The following TMEM132D variants were observed in gnomAD, a reference collection of about 807,000 sequenced individuals.
TMEM132D encodes mature OL transmembrane protein.
TMEM132D carries 21 observed loss-of-function variants against 62.3 expected under a neutral mutation model. The ratio of observed to expected loss-of-function variants is 0.34; its 90% CI spans 0.24 to 0.49. TMEM132D has a LOEUF of 0.49. Among genes scored for constraint, TMEM132D ranks in the 20% least tolerant of loss-of-function variants. TMEM132D has a pLI of 0.99. For synonymous variants in TMEM132D, 621 were observed against 575.6 expected (o/e 1.08, Z -1.13); for missense variants, 1,346 against 1,402.8 (o/e 0.96, Z 0.65).
intron 1 of TMEM132D, among the ~76,000 whole-genome samples, chr12:129,807,352 G>A (rs1472282628): frequency 1.3e-5 from 2 of 152,090 alleles, no homozygotes; most frequent in East Asian, 3.9e-4. Context: ...TTGTGACACT[G>A]GCCATCAATG....
intron 2 of TMEM132D, among the ~76,000 whole-genome samples, chr12:129,628,844 T>C (rs1480166433): frequency 1.3e-5 from 2 of 152,104 alleles, no homozygotes; most frequent in African/African-American, 4.8e-5. Flanking sequence ...TTCCACCACC[T>C]TGCTATCCTC....
intron 5 of TMEM132D, among the ~76,000 whole-genome samples, chr12:129,153,012 C>G (rs1877120951): frequency 6.6e-6 from 1 of 152,190 alleles, no homozygotes; most frequent in Non-Finnish European, 1.5e-5. Context: ...CTGGCAACAC[C>G]ACCTCCTCCC....
chr12:129,552,617 A>G (rs917136027), intron 2 of TMEM132D, among the ~76,000 whole-genome samples: 5 of 147,298 alleles, frequency 3.4e-5, no homozygotes, highest in African/African-American at 1.3e-4. Context: ...TTTATCATCT[A>G]TTATTTATCT....
intron 1 of TMEM132D, among the ~76,000 whole-genome samples, chr12:129,823,168 T>C (rs891324113): frequency 6.6e-6 from 1 of 152,208 alleles, no homozygotes; most frequent in Non-Finnish European, 1.5e-5. Flanking sequence ...GATTGGAAGC[T>C]TCCTGAGGCC....
chr12:129,783,804 C>A (rs969247728), intron 1 of TMEM132D, among the ~76,000 whole-genome samples: 2 of 152,220 alleles, frequency 1.3e-5, no homozygotes, highest in African/African-American at 4.8e-5. Flanking sequence ...TAAATGCTTG[C>A]TCGCTGTAAG....
At chr12:129,489,516 T>G (rs951357867) in intron 3 of TMEM132D, among the ~76,000 whole-genome samples, 2 of 152,246 alleles carry the variant, frequency 1.3e-5, no homozygotes, top group Non-Finnish European at 2.9e-5. Context: ...TTGCATACAT[T>G]AGGCAACACA....
rs1258636244 is a variant in TMEM132D at position 129,071,904 on chromosome 12, A to C, written c.*1971T>G. ...AAATATGAGGACGTTACTGAAAGCAAAGGATTCTCATTGAAAAGGGGTGAC... is the reference window on the plus strand; with the variant it reads ...AAATATGAGGACGTTACTGAAAGCACAGGATTCTCATTGAAAAGGGGTGAC... On this transcript the variant is annotated 3_prime_UTR_variant, in exon 9 of 9. Transcript: ENST00000422113. 6.6e-6 allele frequency: 1 copy of C among 152,252 alleles called. No homozygotes were observed. Among genetic ancestry groups the C allele is most frequent in the Non-Finnish European group, 1.5e-5 (1 of 68,058 alleles). 9.4% of individuals were successfully genotyped at this position (152,252 alleles called of 1,614,324 possible). A position where few individuals can be genotyped will look rare whatever the true frequency, so the allele number is the denominator to read the frequency against.
intron 5 of TMEM132D, among the ~76,000 whole-genome samples, chr12:129,197,228 C>T (rs1309774123): frequency 6.6e-6 from 1 of 152,136 alleles, no homozygotes; most frequent in Non-Finnish European, 1.5e-5. Flanking sequence ...TCCACTCTGT[C>T]ACTGTAGCAC....
At chr12:129,655,332 C>T (rs750025977) in intron 2 of TMEM132D, among the ~76,000 whole-genome samples, 6 of 150,944 alleles carry the variant, frequency 4.0e-5, no homozygotes, top group Non-Finnish European at 1.5e-5. Flanking sequence ...CCATAACCTC[C>T]GCCTCCCTGG....
intron 3 of TMEM132D, among the ~76,000 whole-genome samples, chr12:129,471,265 C>G (rs1408064338): frequency 6.7e-6 from 1 of 148,384 alleles, no homozygotes; most frequent in Non-Finnish European, 1.5e-5. Flanking sequence ...TTGAGCAAGT[C>G]TATCGGCTCC....
intron 4 of TMEM132D, among the ~76,000 whole-genome samples, chr12:129,313,615 G>A (rs1882035766): frequency 6.6e-6 from 1 of 151,654 alleles, no homozygotes; most frequent in Admixed American, 6.6e-5. Flanking sequence ...GTTGATTGAT[G>A]GGCATTTGGG....
At chr12:129,799,176 A>G (rs1455101300) in intron 1 of TMEM132D, among the ~76,000 whole-genome samples, 1 of 152,056 alleles carries the variant, frequency 6.6e-6, no homozygotes, top group Non-Finnish European at 1.5e-5. Flanking sequence ...GAGGCAGGAG[A>G]ATCACTTGAA....
chr12:129,289,754 G>T (rs1376250376), intron 4 of TMEM132D, among the ~76,000 whole-genome samples: 2 of 152,112 alleles, frequency 1.3e-5, no homozygotes, highest in African/African-American at 4.8e-5. Context: ...GCACCTTCCT[G>T]CAGTCCCAGC....
At chr12:129,463,942 C>T (rs1457179322) in intron 3 of TMEM132D, among the ~76,000 whole-genome samples, 1 of 149,872 alleles carries the variant, frequency 6.7e-6, no homozygotes, top group African/African-American at 2.5e-5. Flanking sequence ...CATACGTGTG[C>T]ATGTGTCTTT....
chr12:129,620,573 TG>T (rs1436192361), intron 2 of TMEM132D, among the ~76,000 whole-genome samples: 2 of 152,168 alleles, frequency 1.3e-5, no homozygotes. Context: ...CACTCCAGCC[TG>T]GGTGACAGAG....
At chr12:129,851,617 CTG>C (rs1179545789) in intron 1 of TMEM132D, among the ~76,000 whole-genome samples, 1 of 152,164 alleles carries the variant, frequency 6.6e-6, no homozygotes, top group Non-Finnish European at 1.5e-5. Flanking sequence ...CACATTAACA[CTG>C]TTTTATTTTT....
At chr12:129,380,282 A>G (rs1045692969) in intron 3 of TMEM132D, among the ~76,000 whole-genome samples, 2 of 152,232 alleles carry the variant, frequency 1.3e-5, no homozygotes, top group African/African-American at 4.8e-5. Flanking sequence ...CTAGAAAAAA[A>G]ACTTCCATTT....
rs866106299 is a variant in TMEM132D at position 129,429,039 on chromosome 12, T to A, written c.1116-91222A>T. On this transcript the variant is annotated intron_variant, in intron 3 of 8. Transcript: ENST00000422113. ...AAGTCCTTCAAGTTACTCACTGTAG[T>A]CCAAAGTCCTTCAAGTTACTCACTG... 1.1e-4 allele frequency among the ~76,000 whole-genome samples: 17 copies of A among 152,314 alleles called. No homozygotes were observed. In the Middle Eastern group the frequency reaches 0.01, roughly 91 times the overall value.
At chr12:129,694,320 C>T (rs958571166) in intron 2 of TMEM132D, among the ~76,000 whole-genome samples, 1 of 152,146 alleles carries the variant, frequency 6.6e-6, no homozygotes, top group Admixed American at 6.5e-5. Context: ...CAGACAAATC[C>T]CAATTGAAGG....
Sources: allele counts gnomAD v4.1 joint callset (sites outside exome capture counted in the v4.1 genomes callset), GRCh38; gene constraint gnomAD v4.1.1; transcripts MANE v1.5; gene names NCBI Gene and HGNC (gene_info 2026-07-23, HGNC 2026-07-21).